NIPA1: variants seen among roughly 807,000 people sequenced by gnomAD.
NIPA1 encodes magnesium transporter NIPA1.
NIPA1 carries 13 observed loss-of-function variants against 23.9 expected under a neutral mutation model. The ratio of observed to expected loss-of-function variants is 0.54; its 90% CI spans 0.35 to 0.87. The LOEUF (loss-of-function observed/expected upper bound fraction) is 0.87, where lower values mean the gene tolerates loss of function less well. NIPA1 is among the 40% of genes least tolerant of loss of function. The probability of loss-of-function intolerance (pLI) is 0.01; values close to 1 mark genes in which losing one functional copy is unlikely to be tolerated. For missense variants in NIPA1, 362 were observed against 429.7 expected (o/e 0.84, Z 1.39); for synonymous variants, 234 against 202.9 (o/e 1.15, Z -1.30).
chr15:22,824,307 T>A lies in NIPA1; in HGVS notation c.*68T>A. The A allele has an allele frequency of 7.5e-7, 1 of 1,327,840 alleles. No homozygotes were observed. The highest frequency in any genetic ancestry group is 1.1e-6 in the Non-Finnish European group (1 of 920,364). 82.3% of individuals were successfully genotyped at this position (1,327,840 alleles called of 1,614,324 possible). ...GGTGGTTTCTGGCCGTGATTGGATG[T>A]GAAGTAGAAGAGGTCCTCGATCATG... On this transcript the variant is annotated 3_prime_UTR_variant, in exon 5 of 5. Transcript: ENST00000337435. The surrounding 1 kb of genome is among the most constrained non-coding windows in gnomAD (Gnocchi z 4.1).
intron 1 of NIPA1, among the ~76,000 whole-genome samples, chr15:22,797,677 AT>A (rs1250937492): frequency 2.0e-5 from 3 of 150,054 alleles, no homozygotes; most frequent in Non-Finnish European, 4.4e-5. Context: ...CTAATTTTGT[AT>A]TTTTAGTAGA....
At chr15:22,818,721 C>T (rs943668250) in intron 3 of NIPA1, among the ~76,000 whole-genome samples, 1 of 151,910 alleles carries the variant, frequency 6.6e-6, no homozygotes, top group African/African-American at 2.4e-5. Flanking sequence ...TGCTTGAACC[C>T]GGGAGGCAGA....
At chr15:22,804,048 C>T (rs1262648280) in intron 1 of NIPA1, among the ~76,000 whole-genome samples, 1 of 151,906 alleles carries the variant, frequency 6.6e-6, no homozygotes, top group Non-Finnish European at 1.5e-5. Context: ...GTGATCTTGG[C>T]TCACTGCAAC....
intron 4 of NIPA1, among the ~76,000 whole-genome samples, chr15:22,823,271 G>A (rs1475191730): frequency 1.3e-5 from 2 of 149,856 alleles, no homozygotes; most frequent in Non-Finnish European, 3.0e-5. Flanking sequence ...CTGGAGTACA[G>A]TGGTTTGATC....
chr15:22,786,477 C>G (rs1179818330), upstream of NIPA1, among the ~76,000 whole-genome samples: 3 of 151,758 alleles, frequency 2.0e-5, no homozygotes, highest in South Asian at 6.2e-4. Flanking sequence ...TCCGGCGCCA[C>G]TGCTGTCCCC....
intron 1 of NIPA1, among the ~76,000 whole-genome samples, chr15:22,787,933 A>G (rs1408527815): frequency 1.3e-5 from 2 of 152,178 alleles, no homozygotes; most frequent in African/African-American, 4.8e-5. Context: ...CTTTAAAGTG[A>G]AAGCATAGTG....
At chr15:22,811,038 GC>G in intron 2 of NIPA1, 1 of 548,782 alleles carries the variant, frequency 1.8e-6, no homozygotes, top group South Asian at 2.0e-5. Context: ...GCTGGTGGAG[GC>G]CCCTGCTGCC....
In NIPA1 at chr15:22,786,668, AGCTGCGGCAGCG is replaced by A. The variant is rs1566772866; in HGVS notation, c.15_26del (p.Ala13_Ala16del). ...CGGGCGCGGGCGGAATGGGGACTGC[AGCTGCGGCAGCG>A]GCGGCGGCGGCGGCGGCGGCGGCCG... On this transcript the variant is annotated inframe_deletion, in exon 1 of 5. Transcript: ENST00000337435. 9.4e-7 allele frequency: 1 copy of A among 1,066,256 alleles called. No individual in the cohort carries two copies. The highest frequency in any genetic ancestry group is 1.8e-5 in the African/African-American group (1 of 55,470). 66.0% of individuals were successfully genotyped at this position (1,066,256 alleles called of 1,614,324 possible).
chr15:22,792,931 G>T (rs987754940), intron 1 of NIPA1, among the ~76,000 whole-genome samples: 1 of 152,002 alleles, frequency 6.6e-6, no homozygotes, highest in African/African-American at 2.4e-5. Flanking sequence ...TCCAGCCTCG[G>T]CAACAAGAGC....
At chr15:22,811,252 AATAATAT>A (rs1895309304) in intron 2 of NIPA1, among the ~76,000 whole-genome samples, 1 of 152,202 alleles carries the variant, frequency 6.6e-6, no homozygotes, top group Admixed American at 6.5e-5. Flanking sequence ...AAAGATAAAT[AATAATAT>A]TAGAGTTCAG....
chr15:22,827,090 A>G lies in NIPA1; in HGVS notation c.*2851A>G, dbSNP rs539420489. 6.6e-6 allele frequency: 1 copy of G among 152,246 alleles called. No individual in the cohort carries two copies. Among genetic ancestry groups the G allele is most frequent in the Non-Finnish European group, 1.5e-5 (1 of 68,008 alleles). 9.4% of individuals were successfully genotyped at this position (152,246 alleles called of 1,614,324 possible). A position where few individuals can be genotyped will look rare whatever the true frequency, so the allele number is the denominator to read the frequency against. ...AAGTACATGTACTTGAAATATTTTCATTATCATACTATTCTTTGAAAAAAA... is the reference window on the plus strand; with the variant it reads ...AAGTACATGTACTTGAAATATTTTCGTTATCATACTATTCTTTGAAAAAAA... On this transcript the variant is annotated 3_prime_UTR_variant, in exon 5 of 5. Transcript: ENST00000337435.
chr15:22,817,544 T>G (rs1895451171), intron 3 of NIPA1, among the ~76,000 whole-genome samples: 1 of 150,322 alleles, frequency 6.7e-6, no homozygotes, highest in Admixed American at 6.6e-5. Flanking sequence ...GGCTGATGCC[T>G]GTAATCCCAG....
In NIPA1 at chr15:22,786,843, G is replaced by T; in HGVS notation, c.178+9G>T. On this transcript the variant is annotated intron_variant, in intron 1 of 4. Coordinates refer to ENST00000337435, the MANE Select transcript of NIPA1 (RefSeq NM_144599.5). ...GCGTGCCAAGCGGCGAGGTAGGGCG[G>T]GCGGCAGGCGGCAGGCGGCGGGCGG... The T allele has an allele frequency of 8.8e-7, 1 of 1,138,626 alleles. No individual in the cohort carries two copies. Among genetic ancestry groups the T allele is most frequent in the Non-Finnish European group, 1.1e-6 (1 of 905,192 alleles). The allele number at this position is 1,138,626 out of a possible 1,614,324, so 70.5% of individuals were successfully genotyped here.
chr15:22,808,667 A>G (rs1895260635), intron 1 of NIPA1, among the ~76,000 whole-genome samples: 6 of 90,714 alleles, frequency 6.6e-5, no homozygotes. Flanking sequence ...GATGTGATCA[A>G]ATAGCAATAT....
intron 2 of NIPA1, among the ~76,000 whole-genome samples, chr15:22,811,658 C>T (rs772224722): frequency 9.2e-5 from 14 of 152,136 alleles, no homozygotes; most frequent in East Asian, 1.9e-4. Context: ...TCTTTTAATA[C>T]GACATTACGT....
At chr15:22,798,163 A>G (rs1301375212) in intron 1 of NIPA1, among the ~76,000 whole-genome samples, 1 of 151,750 alleles carries the variant, frequency 6.6e-6, no homozygotes, top group Non-Finnish European at 1.5e-5. Context: ...CTGATTCTTA[A>G]TGAAAAAATC....
chr15:22,800,535 T>C (rs1895054055), intron 1 of NIPA1, among the ~76,000 whole-genome samples: 1 of 152,068 alleles, frequency 6.6e-6, no homozygotes, highest in Non-Finnish European at 1.5e-5. Context: ...CTGACGTCTA[T>C]AATCCCAACA....
chr15:22,791,739 T>C (rs11631464), intron 1 of NIPA1, among the ~76,000 whole-genome samples: 43,791 of 151,916 alleles, frequency 0.29, 6,877 homozygotes, highest in Non-Finnish European at 0.36. Flanking sequence ...GTGCTGGGAT[T>C]ACAGATGTGA....
intron 1 of NIPA1, among the ~76,000 whole-genome samples, chr15:22,800,694 C>T (rs561398009): frequency 5.6e-4 from 85 of 151,914 alleles, no homozygotes; most frequent in African/African-American, 2.0e-3. Flanking sequence ...TTTGGGAGGC[C>T]GAGGTGGGCA....
Sources: gnomAD v4.1 joint callset for allele counts (sites outside exome capture counted in the v4.1 genomes callset) on GRCh38, gnomAD v4.1.1 for gene constraint, Gnocchi (gnomAD v3.1) non-coding constraint, MANE v1.5 for transcripts, NCBI Gene and HGNC (gene_info 2026-07-23, HGNC 2026-07-21) for gene names.